RGPD3: variants seen among roughly 807,000 people sequenced by gnomAD.
RGPD3 encodes RANBP2 like and GRIP domain containing 3.
A neutral mutation model predicts 154.5 loss-of-function variants in RGPD3; 62 were observed. That is an observed-to-expected ratio of 0.40 (90% CI 0.33 to 0.50). The LOEUF (loss-of-function observed/expected upper bound fraction) is 0.50, where lower values mean the gene tolerates loss of function less well. RGPD3 is among the 20% of genes least tolerant of loss of function. RGPD3 has a pLI of 0.59. For missense variants in RGPD3, 919 were observed against 1,716.8 expected, an observed-to-expected ratio of 0.54 and a Z score of 8.21; for synonymous variants, 308 against 607.0, an observed-to-expected ratio of 0.51 and a Z score of 7.24.
chr2:106,461,349 A>C (rs1446869706), intron 1 of RGPD3, among the ~76,000 whole-genome samples: 1 of 150,702 alleles, frequency 6.6e-6, no homozygotes, highest in East Asian at 2.0e-4. Flanking sequence ...CTTGAACACA[A>C]GCACTGCAAT....
At chr2:106,409,362 C>A (rs913393631) in intron 22 of RGPD3, among the ~76,000 whole-genome samples, 24 of 152,050 alleles carry the variant, frequency 1.6e-4, no homozygotes, top group Non-Finnish European at 3.4e-4. Context: ...CATCTTAGAC[C>A]TTTTACCTAG....
chr2:106,451,294 C>T (rs1032457970), intron 6 of RGPD3, among the ~76,000 whole-genome samples: 1 of 151,922 alleles, frequency 6.6e-6, no homozygotes, highest in African/African-American at 2.4e-5. Context: ...TCTTACCCTA[C>T]CAATTTAGGT....
chr2:106,422,593 G>C (rs2104454872), intron 20 of RGPD3, among the ~76,000 whole-genome samples: 1 of 151,658 alleles, frequency 6.6e-6, no homozygotes, highest in South Asian at 2.1e-4. Context: ...TGTTGGCCAG[G>C]CTGGTCTCGA....
At chr2:106,421,166 T>A (rs1444844143) in intron 20 of RGPD3, among the ~76,000 whole-genome samples, 1 of 152,120 alleles carries the variant, frequency 6.6e-6, no homozygotes, top group African/African-American at 2.4e-5. Context: ...GTAAATCAGA[T>A]AGCCTCTCTT....
intron 4 of RGPD3, among the ~76,000 whole-genome samples, chr2:106,454,989 C>A (rs1163400077): frequency 2.2e-3 from 328 of 151,330 alleles, no homozygotes; most frequent in African/African-American, 7.6e-3. Flanking sequence ...CTAGAAATAA[C>A]CAAAATGCCC....
At chr2:106,445,132 CAA>C (rs1677869470) in intron 7 of RGPD3, among the ~76,000 whole-genome samples, 1 of 114,662 alleles carries the variant, frequency 8.7e-6, no homozygotes, top group Admixed American at 9.2e-5. Flanking sequence ...ACTGAAAATA[CAA>C]AAAAATTAGC....
Position 106,415,997 on chromosome 2 carries a change from A to G in RGPD3, c.4925-8T>C, listed in dbSNP as rs1208385005. ...CATACCATAATGGAGGCTCTGCAAC[A>G]TGTTGTTCCAAGAATTAATTTTCAA... On this transcript the variant is annotated splice_region_variant and splice_polypyrimidine_tract_variant and intron_variant, in intron 20 of 22. Coordinates refer to ENST00000409886, the MANE Select transcript of RGPD3 (RefSeq NM_001144013.2). The G allele has an allele frequency of 4.3e-6, 7 of 1,611,612 alleles. No individual in the cohort carries two copies. The highest frequency in any genetic ancestry group is 2.2e-5 in the East Asian group (1 of 44,814).
At chr2:106,411,799 C>A (rs946996770) in intron 22 of RGPD3, among the ~76,000 whole-genome samples, 1 of 152,170 alleles carries the variant, frequency 6.6e-6, no homozygotes, top group African/African-American at 2.4e-5. Context: ...GCCAGGGTGA[C>A]AGAGCAACAC....
intron 22 of RGPD3, among the ~76,000 whole-genome samples, chr2:106,408,849 G>A (rs1676587147): frequency 6.6e-6 from 1 of 151,228 alleles, no homozygotes; most frequent in Non-Finnish European, 1.5e-5. Context: ...ACCAGAACGG[G>A]CATATTTTAA....
intron 22 of RGPD3, 53 bp from the exon 23 acceptor site, chr2:106,405,282 A>T: frequency 1.9e-6 from 3 of 1,563,066 alleles, no homozygotes; most frequent in Non-Finnish European, 1.7e-6. Flanking sequence ...AAATTTCTCA[A>T]TGTAAAATCT....
At chr2:106,426,756 T>A (rs1203712995) in intron 18 of RGPD3, among the ~76,000 whole-genome samples, 1 of 152,268 alleles carries the variant, frequency 6.6e-6, no homozygotes, top group African/African-American at 2.4e-5. Context: ...AACTGTTTTA[T>A]GATAGTTTTA....
At chr2:106,448,239 C>G (rs1180406528) in intron 6 of RGPD3, among the ~76,000 whole-genome samples, 3 of 152,204 alleles carry the variant, frequency 2.0e-5, no homozygotes, top group Non-Finnish European at 4.4e-5. Context: ...TCCTGAGTAG[C>G]TGGGATTACA....
At chr2:106,413,534 C>G (rs1676734850) in intron 21 of RGPD3, among the ~76,000 whole-genome samples, 3 of 152,190 alleles carry the variant, frequency 2.0e-5, no homozygotes, top group African/African-American at 7.2e-5. Context: ...TTCAAAGCTG[C>G]ATTTGCCTAG....
intron 8 of RGPD3, among the ~76,000 whole-genome samples, chr2:106,440,777 A>G (rs1490745248): frequency 1.1e-5 from 1 of 87,370 alleles, no homozygotes; most frequent in Non-Finnish European, 2.3e-5. Context: ...TCTTAGCAAA[A>G]TCACAGGTAA....
chr2:106,420,427 A>G (rs1004719167), intron 20 of RGPD3, among the ~76,000 whole-genome samples: 33 of 151,982 alleles, frequency 2.2e-4, no homozygotes, highest in Non-Finnish European at 3.8e-4. Context: ...AGTTTAATAA[A>G]GTAAGCCAGT....
At chr2:106,411,400 T>C (rs1201596627) in intron 22 of RGPD3, among the ~76,000 whole-genome samples, 4 of 137,756 alleles carry the variant, frequency 2.9e-5, no homozygotes, top group Admixed American at 1.6e-4. Context: ...TTATAGGCAA[T>C]TGGAACAAGC....
At chr2:106,405,490 C>CT (rs1332236099) in intron 22 of RGPD3, among the ~76,000 whole-genome samples, 1 of 150,602 alleles carries the variant, frequency 6.6e-6, no homozygotes, top group African/African-American at 2.4e-5. Flanking sequence ...ATTCTCCCAC[C>CT]TCAGCCTCCC....
intron 20 of RGPD3, among the ~76,000 whole-genome samples, chr2:106,421,667 G>A (rs1259833936): frequency 6.6e-6 from 1 of 152,090 alleles, no homozygotes; most frequent in East Asian, 1.9e-4. Flanking sequence ...AAAAACGGGG[G>A]TCCATTTTCA....
rs267598824 is a variant in RGPD3, at chr2:106,424,333, C to G, written c.3634G>C (p.Asp1212His). The change falls in exon 20 of 23, where the codon GAT becomes CAT. Residue 1212 changes from aspartate to histidine, a missense_variant. Coordinates refer to ENST00000409886, the MANE Select transcript of RGPD3 (RefSeq NM_001144013.2). ...TCTTCCTCAGCGACTTTTGTTTGATCATTTGTCAAAAATGTTTTGAAATCT... is the reference window on the plus strand; with the variant it reads ...TCTTCCTCAGCGACTTTTGTTTGATGATTTGTCAAAAATGTTTTGAAATCT... ...LKDFKTFLTN[D>H]QTKVAEEENK... 1.2e-5 allele frequency: 20 copies of G among 1,611,734 alleles called. No homozygotes were observed. In the South Asian group the frequency reaches 1.6e-4, roughly 13 times the overall value.
Sources: gnomAD v4.1 joint callset for allele counts (sites outside exome capture counted in the v4.1 genomes callset) on GRCh38, gnomAD v4.1.1 for gene constraint, MANE v1.5 for transcripts, NCBI Gene and HGNC (gene_info 2026-07-23, HGNC 2026-07-21) for gene names.